The following HOMER2 variants were observed in gnomAD, a reference collection of about 807,000 sequenced individuals.
HOMER2 encodes homer scaffold protein 2, also known as homer protein homolog 2.
In HOMER2, 27 loss-of-function variants were observed where a neutral mutation model predicts 47.0. That is an observed-to-expected ratio of 0.57 (90% CI 0.42 to 0.79). HOMER2 has a LOEUF of 0.79. Ranked by LOEUF, HOMER2 falls within the 30% of genes least tolerant of loss-of-function variation. The pLI is 0.00. For synonymous variants in HOMER2, 161 were observed against 163.8 expected (o/e 0.98, Z 0.13); for missense variants, 443 against 435.0 (o/e 1.02, Z -0.16).
intron 1 of HOMER2, among the ~76,000 whole-genome samples, chr15:82,940,801 G>A (rs1301790176): frequency 1.3e-5 from 2 of 151,972 alleles, no homozygotes; most frequent in Non-Finnish European, 2.9e-5. Context: ...GTTGAGGTGG[G>A]AGGATCGCTT....
At chr15:82,923,597 T>C (rs1372305434) in intron 1 of HOMER2, among the ~76,000 whole-genome samples, 1 of 152,070 alleles carries the variant, frequency 6.6e-6, no homozygotes, top group Non-Finnish European at 1.5e-5. Flanking sequence ...CCCTGTGTAA[T>C]TCCAAAAAGC....
chr15:82,932,886 A>G (rs1239710267), intron 1 of HOMER2, among the ~76,000 whole-genome samples: 2 of 152,118 alleles, frequency 1.3e-5, no homozygotes, highest in Non-Finnish European at 2.9e-5. Context: ...AGGCTCCCTC[A>G]GATGCCCACA....
At chr15:82,934,023 CCTT>C (rs1488595691) in intron 1 of HOMER2, among the ~76,000 whole-genome samples, 11 of 152,150 alleles carry the variant, frequency 7.2e-5, no homozygotes, top group Admixed American at 2.0e-4. Context: ...CACAGGAAAT[CCTT>C]CTGGAAATCA....
chr15:82,957,840 CTTTA>C (rs1187979895), downstream of HOMER2, among the ~76,000 whole-genome samples: 5 of 152,150 alleles, frequency 3.3e-5, no homozygotes, highest in Admixed American at 6.5e-5. Flanking sequence ...ACCCATTTTT[CTTTA>C]TTTATTTATT....
Position 82,849,770 on chromosome 15 carries a change from A to C in HOMER2, c.977T>G (p.Ile326Ser), listed in dbSNP as rs779466414. 6.2e-7 allele frequency: 1 copy of C among 1,613,908 alleles called. No individual in the cohort carries two copies. The change falls in exon 9 of 9, where the codon ATT becomes AGT. Residue 326 changes from isoleucine (I) to serine (S), a missense_variant. Coordinates refer to ENST00000450735, the MANE Select transcript of HOMER2 (RefSeq NM_004839.4). ...TCGGCGGAAGTCATGCAGGTCGTCA[A>C]TCTTCCCGTCCAGCACCTCCAGGAA... ...KSFLEVLDGK[I>S]DDLHDFRRGL...
downstream of HOMER2, chr15:82,847,284 T>TC: frequency 6.6e-6 from 1 of 152,366 alleles, no homozygotes; most frequent in African/African-American, 2.4e-5. Context: ...GACACTGAGA[T>TC]CTTCAGAGAA....
chr15:82,868,541 A>ATATATATATATATATATATATTTTTTTTT, intron 3 of HOMER2, among the ~76,000 whole-genome samples: 1 of 71,290 alleles, frequency 1.4e-5, no homozygotes. Flanking sequence ...ATATATATAT[A>ATATATATATATATATATATATTTTTTTTT]TTTTTTTTTT....
intron 1 of HOMER2, among the ~76,000 whole-genome samples, chr15:82,918,711 C>CT (rs1420844819): frequency 6.6e-6 from 1 of 152,188 alleles, no homozygotes; most frequent in African/African-American, 2.4e-5. Flanking sequence ...ACCACTGGAT[C>CT]TGTCACTATG....
chr15:82,856,762 T>C (rs1007838500), intron 5 of HOMER2, among the ~76,000 whole-genome samples: 3 of 152,220 alleles, frequency 2.0e-5, no homozygotes, highest in Non-Finnish European at 2.9e-5. Flanking sequence ...TCACATGTGC[T>C]TTCTGGAATT....
In HOMER2 at chr15:82,855,325, C is replaced by CAAAAAAA. The variant is rs1162254209; in HGVS notation, c.495-532_495-526dup. On this transcript the variant is annotated intron_variant, in intron 5 of 8. Coordinates refer to ENST00000450735, the MANE Select transcript of HOMER2 (RefSeq NM_004839.4). ...TGGCGACAGAGCGAGACTCCATCTC[C>CAAAAAAA]AAAAAAAAAAAAAAAAAAAAAAAAG... Among the ~76,000 whole-genome samples, 203 of 61,496 alleles carry CAAAAAAA rather than the reference C, an allele frequency of 3.3e-3. 16 individuals carry two copies. The highest frequency in any genetic ancestry group is 0.013 in the African/African-American group (177 of 13,734). 40.3% of individuals were successfully genotyped at this position (61,496 alleles called of 152,430 possible).
Position 82,969,059 on chromosome 15 carries a change from T to C in HOMER2, n.83-9751A>G, listed in dbSNP as rs375428031. Among the ~76,000 whole-genome samples, 27 of 152,364 alleles carry C rather than the reference T, an allele frequency of 1.8e-4. 1 individual carries two copies. The highest frequency in any genetic ancestry group is 1.5e-3 in the East Asian group (8 of 5,192). On this transcript the variant is annotated intron_variant and non_coding_transcript_variant, in intron 1 of 1. Coordinates refer to the HOMER2 transcript ENST00000500334. ...TTTCTGATTAGAAAAGGGATTCTCA[T>C]TGAGGAAATTCAGAAAGTGGATAGA...
chr15:82,945,781 T>C (rs1363363490), intron 1 of HOMER2, among the ~76,000 whole-genome samples: 3 of 152,004 alleles, frequency 2.0e-5, no homozygotes, highest in Non-Finnish European at 4.4e-5. Context: ...CCATCCTGGC[T>C]AACAAGGTGA....
At chr15:82,851,501 G>A (rs1004766541) in intron 7 of HOMER2, among the ~76,000 whole-genome samples, 10 of 152,226 alleles carry the variant, frequency 6.6e-5, no homozygotes, top group African/African-American at 2.2e-4. Context: ...GAGGCCTAGG[G>A]AGTTTGGTAA....
At chr15:82,927,396 T>C (rs1478748049) in intron 1 of HOMER2, among the ~76,000 whole-genome samples, 1 of 152,218 alleles carries the variant, frequency 6.6e-6, no homozygotes, top group Non-Finnish European at 1.5e-5. Flanking sequence ...GAGTGAATTA[T>C]AATTGAGGAA....
rs959917437 is a variant in HOMER2, at chr15:82,913,336, T to C, written c.6-20495A>G. Among the ~76,000 whole-genome samples the C allele has an allele frequency of 3.3e-5, 5 of 152,032 alleles. No individual in the cohort carries two copies. Among genetic ancestry groups the C allele is most frequent in the Admixed American group, 2.6e-4 (4 of 15,266 alleles). Reference sequence around the variant, plus strand: ...GATTTTTTTTTTTTAACAGCAAACATTGCCTGATGTAGTCTGATCATCTTG... The same window carrying C: ...GATTTTTTTTTTTTAACAGCAAACACTGCCTGATGTAGTCTGATCATCTTG... On this transcript the variant is annotated intron_variant, in intron 1 of 8. Transcript: ENST00000450735. This position sits in a 1 kb window ranked among gnomAD's most constrained non-coding sequence, Gnocchi z 4.1.
At chr15:82,857,614 A>G (rs1338321952) in intron 5 of HOMER2, among the ~76,000 whole-genome samples, 1 of 151,868 alleles carries the variant, frequency 6.6e-6, no homozygotes, top group East Asian at 1.9e-4. Flanking sequence ...TATTTTTAGT[A>G]GAGATGGGGT....
At chr15:82,924,121 T>C (rs2053800330) in intron 1 of HOMER2, among the ~76,000 whole-genome samples, 1 of 151,772 alleles carries the variant, frequency 6.6e-6, no homozygotes, top group South Asian at 2.1e-4. Flanking sequence ...AGGTACGGAG[T>C]ATTGGTAGGT....
chr15:82,982,288 T>TTC (rs1310575860), intron 1 of HOMER2, among the ~76,000 whole-genome samples: 2 of 152,212 alleles, frequency 1.3e-5, no homozygotes, highest in East Asian at 3.8e-4. Flanking sequence ...AATAAAAAAT[T>TTC]TCTGATGCTT....
intron 1 of HOMER2, among the ~76,000 whole-genome samples, chr15:82,906,098 G>A (rs1320567584): frequency 6.6e-6 from 1 of 152,110 alleles, no homozygotes; most frequent in East Asian, 1.9e-4. Flanking sequence ...GCAATATAGT[G>A]TTATCTGAAA....
Sources: gnomAD v4.1 joint callset for allele counts (sites outside exome capture counted in the v4.1 genomes callset) on GRCh38, gnomAD v4.1.1 for gene constraint, Gnocchi (gnomAD v3.1) non-coding constraint, MANE v1.5 for transcripts, NCBI Gene and HGNC (gene_info 2026-07-23, HGNC 2026-07-21) for gene names.